Variants in SMAD4 observed in about 807,000 individuals in gnomAD.
SMAD4 encodes the protein MAD homolog 4.
In SMAD4, 7 loss-of-function variants were observed where a neutral mutation model predicts 63.2. That is an observed-to-expected ratio of 0.11 (90% CI 0.06 to 0.21). The LOEUF (loss-of-function observed/expected upper bound fraction) is 0.21, where lower values mean the gene tolerates loss of function less well. Ranked by LOEUF, SMAD4 falls within the 10% of genes least tolerant of loss-of-function variation. The pLI, the probability that SMAD4 is intolerant of heterozygous loss-of-function variation, is 1.00. For synonymous variants in SMAD4, 215 were observed against 235.4 expected, an observed-to-expected ratio of 0.91 and a Z score of 0.79; for missense variants, 312 against 693.8, an observed-to-expected ratio of 0.45 and a Z score of 6.18.
At chr18:51,046,009 T>C (rs982248051) in intron 1 of SMAD4, among the ~76,000 whole-genome samples, 1 of 152,242 alleles carries the variant, frequency 6.6e-6, no homozygotes, top group Non-Finnish European at 1.5e-5. Context: ...TATGGAATTT[T>C]ATCTATGCAT....
chr18:51,038,254 G>T (rs59795420), intron 1 of SMAD4, among the ~76,000 whole-genome samples: 5 of 61,134 alleles, frequency 8.2e-5, no homozygotes, highest in East Asian at 5.5e-4. Context: ...GAGACTGTGG[G>T]GGGGGGGGCA....
Position 51,078,579 on chromosome 18 carries a change from A to C in SMAD4, c.*112A>C. ...TTTTGTTCTGCTTTATCTTTTCATA[A>C]AGGGTTGAAAATGTGTTTGCTGCCT... On this transcript the variant is annotated 3_prime_UTR_variant, in exon 12 of 12. Transcript: ENST00000342988. 1 of 825,296 alleles carries C rather than the reference A, an allele frequency of 1.2e-6. No homozygotes were observed. The highest frequency in any genetic ancestry group is 1.9e-6 in the Non-Finnish European group (1 of 527,530). The allele number at this position is 825,296 out of a possible 1,614,324, so 51.1% of individuals were successfully genotyped here.
rs587780792 is a variant in SMAD4, at chr18:51,054,901, C to T, written c.575C>T (p.Thr192Ile). 11 of 1,614,128 alleles carry T rather than the reference C, an allele frequency of 6.8e-6. No homozygotes were observed. The highest frequency in any genetic ancestry group is 2.5e-6 in the Non-Finnish European group (3 of 1,179,964). The change falls in exon 5 of 12, where the codon ACA becomes ATA. Residue 192 changes from threonine (T) to isoleucine (I), a missense_variant. By Grantham distance (89) the Thr-to-Ile change is moderately conservative. Transcript: ENST00000342988. ...CATCCACCAAGTAATCGTGCATCGA[C>T]AGAGACATACAGCACCCCAGCTCTG... ...IQHPPSNRAS[T>I]ETYSTPALLA...
At chr18:51,062,920 C>T (rs1191141163) in intron 8 of SMAD4, among the ~76,000 whole-genome samples, 4 of 127,766 alleles carry the variant, frequency 3.1e-5, no homozygotes, top group South Asian at 2.5e-4. Flanking sequence ...TGCAGTGGCG[C>T]GACTTGGCTC....
At chr18:51,053,135 T>A (rs1315214543) in intron 4 of SMAD4, 1 of 152,210 alleles carries the variant, frequency 6.6e-6, no homozygotes, top group Non-Finnish European at 1.5e-5. Flanking sequence ...AAAGATGTTA[T>A]GATTGCTGAT....
chr18:51,068,497 G>A (rs1910224674), intron 10 of SMAD4, among the ~76,000 whole-genome samples: 1 of 152,218 alleles, frequency 6.6e-6, no homozygotes, highest in Non-Finnish European at 1.5e-5. Context: ...TAATAAATTA[G>A]CATCAATTCC....
At chr18:51,033,848 A>C (rs1909122037) in intron 1 of SMAD4, among the ~76,000 whole-genome samples, 1 of 152,208 alleles carries the variant, frequency 6.6e-6, no homozygotes, top group South Asian at 2.1e-4. Context: ...TAACTATGAG[A>C]GTGAATGAAA....
Position 51,079,895 on chromosome 18 carries a change from C to T in SMAD4, c.*1428C>T. On this transcript the variant is annotated 3_prime_UTR_variant, in exon 12 of 12. Transcript: ENST00000342988. The stretch of plus-strand genomic sequence containing the variant: ...ACAGGCAACAGCCAGTTCTATTGGG[C>T]AGCTTTGTTTTTTTCCCTCACACTC... The T allele has an allele frequency of 4.3e-6, 1 of 231,892 alleles. No individual in the cohort carries two copies. The highest frequency in any genetic ancestry group is 8.5e-6 in the Non-Finnish European group (1 of 117,556). The allele number at this position is 231,892 out of a possible 1,614,324, so 14.4% of individuals were successfully genotyped here. A position where few individuals can be genotyped will look rare whatever the true frequency, so the allele number is the denominator to read the frequency against.
chr18:51,037,189 CAAAA>C (rs982604755), intron 1 of SMAD4, among the ~76,000 whole-genome samples: 13 of 151,982 alleles, frequency 8.6e-5, no homozygotes, highest in Middle Eastern at 3.4e-3. Flanking sequence ...CTCAAAAAAA[CAAAA>C]AAAGTTTTAT....
intron 5 of SMAD4, among the ~76,000 whole-genome samples, chr18:51,057,592 C>G (rs918225375): frequency 3.9e-5 from 6 of 152,192 alleles, no homozygotes; most frequent in Non-Finnish European, 7.4e-5. Context: ...AGAGCTAGAT[C>G]TTTTTAACTT....
At chr18:51,069,084 TC>T (rs1423453447) in intron 10 of SMAD4, among the ~76,000 whole-genome samples, 2 of 152,212 alleles carry the variant, frequency 1.3e-5, no homozygotes, top group East Asian at 3.8e-4. Flanking sequence ...GCAGTTTTTT[TC>T]CACAAGTAAT....
chr18:51,076,847 T>A (rs2144475214), intron 11 of SMAD4, 71 bp downstream of exon 11: 1 of 1,240,126 alleles, frequency 8.1e-7, no homozygotes, highest in Non-Finnish European at 1.1e-6. Flanking sequence ...CTCAGTTGAT[T>A]AGTTTCTTTG....
intron 8 of SMAD4, among the ~76,000 whole-genome samples, chr18:51,060,857 C>G (rs1162823987): frequency 1.3e-5 from 2 of 151,986 alleles, no homozygotes; most frequent in African/African-American, 4.8e-5. Context: ...TGGTCTCGAA[C>G]TCCTGGGCTA....
chr18:51,051,529 C>T (rs192403645), intron 4 of SMAD4: 59 of 392,714 alleles, frequency 1.5e-4, no homozygotes, highest in Admixed American at 3.7e-4. Context: ...ACCACGTTGA[C>T]CTGTGTATTC....
At chr18:51,034,007 G>T (rs1181137424) in intron 1 of SMAD4, among the ~76,000 whole-genome samples, 1 of 152,048 alleles carries the variant, frequency 6.6e-6, no homozygotes, top group Admixed American at 6.6e-5. Flanking sequence ...TTGTAAAGAG[G>T]GTCTGTTAAC....
At chr18:51,051,197 A>G (rs1233916421) in intron 4 of SMAD4, 1 of 322,696 alleles carries the variant, frequency 3.1e-6, no homozygotes, top group East Asian at 8.2e-5. Context: ...AGTGCTCATC[A>G]CACACCTCCC....
At chr18:51,032,458 A>T (rs1172412210) in intron 1 of SMAD4, among the ~76,000 whole-genome samples, 2 of 152,232 alleles carry the variant, frequency 1.3e-5, no homozygotes, top group African/African-American at 4.8e-5. Flanking sequence ...ATCTTTTATG[A>T]TAGCTTTGCT....
chr18:51,066,343 CAAA>C (rs112954430), intron 9 of SMAD4, among the ~76,000 whole-genome samples: 8 of 65,900 alleles, frequency 1.2e-4, no homozygotes, highest in East Asian at 4.8e-4. Context: ...GACTCCATTT[CAAA>C]AAAAAAAAAA....
intron 4 of SMAD4, chr18:51,051,269 T>C (rs1835984564): frequency 4.7e-6 from 2 of 421,688 alleles, no homozygotes; most frequent in Admixed American, 5.8e-5. Context: ...AGCCTTTCTA[T>C]AGTGACTGTA....
Sources: gnomAD v4.1 joint callset for allele counts (sites outside exome capture counted in the v4.1 genomes callset) on GRCh38, gnomAD v4.1.1 for gene constraint, MANE v1.5 for transcripts, NCBI Gene and HGNC (gene_info 2026-07-23, HGNC 2026-07-21) for gene names.